Variants in FAF1 observed in about 807,000 individuals in gnomAD.
The protein encoded by FAF1 is FAS-associated factor 1.
FAF1 carries 25 observed loss-of-function variants against 92.5 expected under a neutral mutation model. The observed-to-expected ratio is 0.27, with a 90% CI of 0.20 to 0.38. The LOEUF is 0.38. Among genes scored for constraint, FAF1 ranks in the 10% least tolerant of loss-of-function variants. The probability of loss-of-function intolerance (pLI) is 1.00; values close to 1 mark genes in which losing one functional copy is unlikely to be tolerated. For synonymous variants in FAF1, 234 were observed against 273.2 expected (o/e 0.86, Z 1.42); for missense variants, 636 against 793.3 (o/e 0.80, Z 2.38).
intron 2 of FAF1, among the ~76,000 whole-genome samples, chr1:50,810,910 A>G (rs1238371098): frequency 6.6e-6 from 1 of 152,150 alleles, no homozygotes; most frequent in African/African-American, 2.4e-5. Flanking sequence ...TTAGCCTGGC[A>G]TGGTGGCACC....
intron 2 of FAF1, among the ~76,000 whole-genome samples, chr1:50,827,366 A>C (rs1309762503): frequency 6.6e-6 from 1 of 152,172 alleles, no homozygotes; most frequent in African/African-American, 2.4e-5. Flanking sequence ...TGCTGTGTCA[A>C]CTCAGGGTTA....
chr1:50,617,293 T>C (rs1652962168), intron 8 of FAF1, among the ~76,000 whole-genome samples: 1 of 152,224 alleles, frequency 6.6e-6, no homozygotes, highest in Non-Finnish European at 1.5e-5. Context: ...TAATGATAGA[T>C]GGCTCTTATT....
intron 1 of FAF1, among the ~76,000 whole-genome samples, chr1:50,958,733 A>G (rs1570191577): frequency 1.3e-5 from 2 of 152,156 alleles, no homozygotes; most frequent in South Asian, 4.1e-4. Flanking sequence ...AATAGAACAG[A>G]GAGAGAGAAA....
At chr1:50,912,788 A>G (rs1352698473) in intron 1 of FAF1, among the ~76,000 whole-genome samples, 1 of 152,226 alleles carries the variant, frequency 6.6e-6, no homozygotes, top group African/African-American at 2.4e-5. Flanking sequence ...TGAAAATATC[A>G]ATCAATTGCT....
At chr1:50,527,997 A>G (rs1221687685) in intron 15 of FAF1, among the ~76,000 whole-genome samples, 2 of 151,880 alleles carry the variant, frequency 1.3e-5, no homozygotes, top group African/African-American at 2.4e-5. Flanking sequence ...TAGCCTCCCG[A>G]GTCGCTGGGA....
chr1:50,855,049 T>A (rs1371860739), intron 2 of FAF1, among the ~76,000 whole-genome samples: 11 of 151,832 alleles, frequency 7.2e-5, no homozygotes, highest in Non-Finnish European at 1.6e-4. Flanking sequence ...GATTTTAGAT[T>A]TTTGGATTAG....
At chr1:50,711,463 C>CTTTTTT (rs1160668174) in intron 6 of FAF1, among the ~76,000 whole-genome samples, 64 of 81,948 alleles carry the variant, frequency 7.8e-4, no homozygotes, top group East Asian at 9.4e-4. Flanking sequence ...TCCACACTGA[C>CTTTTTT]TTTTTTTTTT....
intron 7 of FAF1, among the ~76,000 whole-genome samples, chr1:50,702,882 T>C (rs999561352): frequency 1.3e-5 from 2 of 152,150 alleles, no homozygotes; most frequent in African/African-American, 4.8e-5. Context: ...AAAAATGTAC[T>C]TTGTTCTAAT....
At chr1:50,621,422 T>G (rs1366564824) in intron 8 of FAF1, among the ~76,000 whole-genome samples, 7 of 124,920 alleles carry the variant, frequency 5.6e-5, no homozygotes, top group Admixed American at 1.8e-4. Flanking sequence ...TTTTTTGAGA[T>G]GGAGTCTCAC....
In FAF1 at chr1:50,836,109, A is replaced by ACTCT. The variant is rs533298653; in HGVS notation, c.114+21816_114+21819dup. 2.4e-4 allele frequency among the ~76,000 whole-genome samples: 34 copies of ACTCT among 140,464 alleles called. No homozygotes were observed. The South Asian group carries it at 7.4e-3, about 30-fold the overall frequency. The allele number at this position is 140,464 out of a possible 152,430, so 92.1% of individuals were successfully genotyped here. A position where few individuals can be genotyped will look rare whatever the true frequency, so the allele number is the denominator to read the frequency against. ...AAACAGAAATAGGATGTACATAAAT[A>ACTCT]CTCTCTCTGTATGTAGTTTTTTGGG... On this transcript the variant is annotated intron_variant, in intron 2 of 18. Transcript: ENST00000396153.
intron 16 of FAF1, 102 bp downstream of exon 16, chr1:50,491,619 C>G: frequency 1.3e-6 from 1 of 745,604 alleles, no homozygotes; most frequent in Non-Finnish European, 2.3e-6. Context: ...CTAGCTTTCT[C>G]TATTGCAAAC....
At chr1:50,954,218 C>T (rs1645245746) in intron 1 of FAF1, among the ~76,000 whole-genome samples, 1 of 152,056 alleles carries the variant, frequency 6.6e-6, no homozygotes, top group Admixed American at 6.6e-5. Context: ...AAGGCCACCA[C>T]GCCAGGCCAA....
chr1:50,593,094 A>G (rs965793563), intron 9 of FAF1, among the ~76,000 whole-genome samples: 3 of 152,192 alleles, frequency 2.0e-5, no homozygotes, highest in Non-Finnish European at 4.4e-5. Context: ...CTGCTCAAAA[A>G]TGAAACTGGT....
intron 8 of FAF1, among the ~76,000 whole-genome samples, chr1:50,603,656 T>C (rs772629575): frequency 6.6e-6 from 1 of 152,194 alleles, no homozygotes; most frequent in Non-Finnish European, 1.5e-5. Context: ...TTGTCACTTA[T>C]GTGCTAGAAA....
intron 2 of FAF1, among the ~76,000 whole-genome samples, chr1:50,813,624 C>T (rs1037464919): frequency 8.5e-5 from 13 of 152,066 alleles, no homozygotes; most frequent in African/African-American, 3.1e-4. Context: ...CCATGCCCAA[C>T]TAATTTTAAA....
At chr1:50,805,697 T>A (rs911222747) in intron 2 of FAF1, among the ~76,000 whole-genome samples, 2 of 152,206 alleles carry the variant, frequency 1.3e-5, no homozygotes, top group Non-Finnish European at 2.9e-5. Context: ...ATCTTAACTT[T>A]AGTCCTTTTT....
intron 8 of FAF1, among the ~76,000 whole-genome samples, chr1:50,653,015 C>A (rs776119337): frequency 9.9e-5 from 15 of 152,250 alleles, no homozygotes; most frequent in South Asian, 2.1e-4. Context: ...ATTACTATTT[C>A]TTGTAACAAG....
chr1:50,756,120 T>C (rs930561358), intron 4 of FAF1, among the ~76,000 whole-genome samples: 1 of 152,194 alleles, frequency 6.6e-6, no homozygotes, highest in African/African-American at 2.4e-5. Flanking sequence ...GGGATTTTCT[T>C]TTCTATCACA....
intron 13 of FAF1, among the ~76,000 whole-genome samples, chr1:50,546,956 T>C (rs1414668144): frequency 2.0e-5 from 3 of 152,138 alleles, no homozygotes; most frequent in Non-Finnish European, 2.9e-5. Flanking sequence ...TGGTGTGATA[T>C]TGGCTCACTG....
Sources: allele counts gnomAD v4.1 joint callset (sites outside exome capture counted in the v4.1 genomes callset), GRCh38; gene constraint gnomAD v4.1.1; transcripts MANE v1.5; gene names NCBI Gene and HGNC (gene_info 2026-07-23, HGNC 2026-07-21).